The following ZNF829 variants were observed in gnomAD, a reference collection of about 807,000 sequenced individuals.
The protein encoded by ZNF829 is zinc finger protein 829.
In ZNF829, 25 loss-of-function variants were observed where a neutral mutation model predicts 35.2. That is an observed-to-expected ratio of 0.71 (90% CI 0.52 to 0.99). The LOEUF (loss-of-function observed/expected upper bound fraction) is 0.99, where lower values mean the gene tolerates loss of function less well. Among genes scored for constraint, ZNF829 ranks in the 50% least tolerant of loss-of-function variants. ZNF829 has a pLI of 0.00. For missense variants in ZNF829, 417 were observed against 515.3 expected (o/e 0.81, Z 1.85); for synonymous variants, 136 against 163.2 (o/e 0.83, Z 1.27).
intron 3 of ZNF829, among the ~76,000 whole-genome samples, chr19:36,908,671 C>T (rs192508333): frequency 1.3e-5 from 2 of 152,244 alleles, no homozygotes; most frequent in East Asian, 3.9e-4. Flanking sequence ...GAGTTTCTTC[C>T]CCCTCCCCGC....
intron 5 of ZNF829, among the ~76,000 whole-genome samples, chr19:36,905,209 A>G (rs984965882): frequency 1.3e-5 from 2 of 152,098 alleles, no homozygotes; most frequent in Admixed American, 1.3e-4. Flanking sequence ...ATTTACAGCA[A>G]TGTTCTAGCT....
intron 5 of ZNF829, among the ~76,000 whole-genome samples, chr19:36,894,823 A>G (rs1415645286): frequency 6.6e-6 from 1 of 152,170 alleles, no homozygotes; most frequent in Non-Finnish European, 1.5e-5. Flanking sequence ...AAAGCAACCA[A>G]ATATTCAAAT....
intron 5 of ZNF829, among the ~76,000 whole-genome samples, chr19:36,895,959 G>A (rs1432332396): frequency 6.6e-6 from 1 of 152,180 alleles, no homozygotes; most frequent in East Asian, 1.9e-4. Context: ...TTGAGGTCAG[G>A]AGTTCGAGAC....
At chr19:36,905,412 G>T (rs2073206690) in intron 5 of ZNF829, 1 of 151,416 alleles carries the variant, frequency 6.6e-6, no homozygotes, top group Non-Finnish European at 1.5e-5. Flanking sequence ...AGTTTCAAAT[G>T]ACTATATAAG....
chr19:36,893,657 A>C (rs2146227006), intron 5 of ZNF829, among the ~76,000 whole-genome samples: 1 of 152,300 alleles, frequency 6.6e-6, no homozygotes, highest in South Asian at 2.1e-4. Context: ...GGGCAAATAA[A>C]ATGGCTTGAA....
rs2073020307 is a variant in ZNF829 at position 36,888,611 on chromosome 19, C to T, written c.*2881G>A. The T allele has an allele frequency of 1.3e-5, 2 of 152,328 alleles. No individual in the cohort carries two copies. Among genetic ancestry groups the T allele is most frequent in the South Asian group, 4.1e-4 (2 of 4,832 alleles). The allele number at this position is 152,328 out of a possible 1,614,324, so 9.4% of individuals were successfully genotyped here. ...GGAAGTTACAAGGGCAGTTGTGTTACATACACATATAGTGTAGTGGGGAAA... is the reference window on the plus strand; with the variant it reads ...GGAAGTTACAAGGGCAGTTGTGTTATATACACATATAGTGTAGTGGGGAAA... On this transcript the variant is annotated 3_prime_UTR_variant, in exon 6 of 6. Transcript: ENST00000391711.
chr19:36,899,906 ATTTT>A (rs112933950), intron 5 of ZNF829, among the ~76,000 whole-genome samples: 3 of 151,686 alleles, frequency 2.0e-5, no homozygotes, highest in African/African-American at 7.3e-5. Context: ...TCATATAAAA[ATTTT>A]TTTTTAAACA....
At chr19:36,892,544 G>A in intron 5 of ZNF829, 73 bp from the exon 6 acceptor site, 1 of 1,392,634 alleles carries the variant, frequency 7.2e-7, no homozygotes, top group Non-Finnish European at 9.6e-7. Context: ...AGAAATGGGA[G>A]AATTAAACTG....
chr19:36,912,978 CAA>C (rs1431725545), intron 3 of ZNF829: 2 of 152,190 alleles, frequency 1.3e-5, no homozygotes, highest in Non-Finnish European at 2.9e-5. Context: ...GCCTGGGAAA[CAA>C]GAGTGAAACT....
intron 5 of ZNF829, chr19:36,901,986 A>G: frequency 1.4e-6 from 1 of 733,322 alleles, no homozygotes; most frequent in Non-Finnish European, 2.5e-6. Context: ...AATGTCCCAT[A>G]ACGAATCCAT....
In ZNF829 at chr19:36,892,263, T is replaced by A; in HGVS notation, c.528A>T (p.Arg176Ser). The stretch of plus-strand genomic sequence containing the variant: ...CATAGTGTTTTTCACCAAAATGAAT[T>A]CTCTGATGTTGGATAAATTGTGAGT... ...NQNSQFIQHQ[R>S]IHFGEKHYES... Residue 176 changes from arginine to serine, a missense_variant, in exon 6 of 6, where the codon AGA (arginine) becomes AGT (serine). Arg to Ser is a moderately radical substitution (Grantham distance 110, BLOSUM62 -1). Coordinates refer to ENST00000391711, the MANE Select transcript of ZNF829 (RefSeq NM_001037232.4). 6.2e-7 allele frequency: 1 copy of A among 1,613,990 alleles called. No homozygotes were observed. Among genetic ancestry groups the A allele is most frequent in the East Asian group, 2.2e-5 (1 of 44,868 alleles).
chr19:36,909,806 CAAAA>C (rs35064154), intron 3 of ZNF829, among the ~76,000 whole-genome samples: 2 of 133,924 alleles, frequency 1.5e-5, no homozygotes, highest in Non-Finnish European at 1.6e-5. Flanking sequence ...GACTCTGTCT[CAAAA>C]AAAAAAAAAA....
chr19:36,891,502 T>C lies in ZNF829; in HGVS notation c.1289A>G (p.His430Arg), dbSNP rs1568366160. ...TTACTTTACTGTCATTCAACCAGTA[T>C]GAATTCCCTCATGGCGAATGAGGTC... Reference protein sequence around the residue: ...RSDLIRHEGIHTG With the variant: ...RSDLIRHEGIRTG The change falls in exon 6 of 6, where the codon CAT becomes CGT. Residue 430 changes from histidine (H) to arginine (R), a missense_variant. Transcript: ENST00000391711. 1 of 1,555,400 alleles carries C rather than the reference T, an allele frequency of 6.4e-7. No individual in the cohort carries two copies. Among genetic ancestry groups the C allele is most frequent in the Non-Finnish European group, 8.7e-7 (1 of 1,156,024 alleles).
chr19:36,908,383 T>G lies in ZNF829; in HGVS notation c.173A>C (p.Asn58Thr). 6.2e-7 allele frequency: 1 copy of G among 1,613,778 alleles called. No homozygotes were observed. Among genetic ancestry groups the G allele is most frequent in the Non-Finnish European group, 8.5e-7 (1 of 1,179,810 alleles). Residue 58 changes from asparagine to threonine, a missense_variant, in exon 4 of 6, where the codon AAT becomes ACT. Physicochemically the swap from Asn to Thr is moderately conservative, Grantham distance 65. Coordinates refer to ENST00000391711, the MANE Select transcript of ZNF829 (RefSeq NM_001037232.4). ...CTCCAACATCACTTCTTTGTATAAA[T>G]TCATCTGATCAGCGTCCAGGCATTC... ...EWECLDADQM[N>T]LYKEVMLENF...
intron 5 of ZNF829, chr19:36,901,699 G>C (rs1433605037): frequency 1.5e-5 from 6 of 407,672 alleles, no homozygotes; most frequent in African/African-American, 1.2e-4. Flanking sequence ...GAATGTGCTA[G>C]CCTTAAAAAA....
chr19:36,910,108 G>A (rs1299571843), intron 3 of ZNF829, among the ~76,000 whole-genome samples: 1 of 151,128 alleles, frequency 6.6e-6, no homozygotes, highest in Admixed American at 6.6e-5. Context: ...TTTTGAGACG[G>A]AGTTTCGCTC....
At chr19:36,895,732 A>C (rs1341269346) in intron 5 of ZNF829, among the ~76,000 whole-genome samples, 1 of 152,232 alleles carries the variant, frequency 6.6e-6, no homozygotes, top group Non-Finnish European at 1.5e-5. Context: ...ACAGACATTA[A>C]GTAAAAAACT....
At chr19:36,911,078 A>G (rs916256720) in intron 3 of ZNF829, among the ~76,000 whole-genome samples, 2 of 152,198 alleles carry the variant, frequency 1.3e-5, no homozygotes, top group African/African-American at 4.8e-5. Flanking sequence ...CCTGAGTTCT[A>G]TATGTTATTC....
chr19:36,905,154 G>A (rs1026083584), intron 5 of ZNF829, among the ~76,000 whole-genome samples: 3 of 151,950 alleles, frequency 2.0e-5, no homozygotes, highest in Non-Finnish European at 4.4e-5. Context: ...TCTTCTGAGC[G>A]TCCTATTTGA....
Sources: gnomAD v4.1 joint callset for allele counts (sites outside exome capture counted in the v4.1 genomes callset) on GRCh38, gnomAD v4.1.1 for gene constraint, MANE v1.5 for transcripts, NCBI Gene and HGNC (gene_info 2026-07-23, HGNC 2026-07-21) for gene names.